The following GRK6 variants were observed in gnomAD, a reference collection of about 807,000 sequenced individuals.
The protein encoded by GRK6 is G protein-coupled receptor kinase 6.
GRK6 carries 37 observed loss-of-function variants against 80.8 expected under a neutral mutation model. That is an observed-to-expected ratio of 0.46 (90% CI 0.35 to 0.60). GRK6 has a LOEUF of 0.60. Among genes scored for constraint, GRK6 ranks in the 20% least tolerant of loss-of-function variants. The pLI is 0.00. For synonymous variants in GRK6, 295 were observed against 320.9 expected (o/e 0.92, Z 0.86); for missense variants, 560 against 784.6 (o/e 0.71, Z 3.42).
intron 13 of GRK6, among the ~76,000 whole-genome samples, chr5:177,440,396 G>C (rs1340305508): frequency 6.6e-6 from 1 of 152,252 alleles, no homozygotes; most frequent in African/African-American, 2.4e-5. Flanking sequence ...TGTACTCCCC[G>C]CCCCAACTGC....
At chr5:177,440,582 CAG>C in intron 13 of GRK6, 116 bp from the exon 14 acceptor site, 1 of 1,259,454 alleles carries the variant, frequency 7.9e-7, no homozygotes, top group Non-Finnish European at 1.1e-6. Flanking sequence ...TTCTCCAAAT[CAG>C]AGAGCTGCTG....
intron 2 of GRK6, 145 bp from the exon 3 acceptor site, chr5:177,431,850 G>T: frequency 1.4e-6 from 1 of 729,228 alleles, no homozygotes; most frequent in Admixed American, 2.1e-5. Flanking sequence ...CCTGAGGGTT[G>T]TGGTGAGGGT....
rs1561655395 is a variant in GRK6, at chr5:177,433,683, A to C, written c.738+7A>C. The C allele has an allele frequency of 1.2e-6, 2 of 1,613,738 alleles. No homozygotes were observed. The highest frequency in any genetic ancestry group is 1.7e-6 in the Non-Finnish European group (2 of 1,179,806). The stretch of plus-strand genomic sequence containing the variant: ...AGTGAACAGTAGGTTTGTAGTAAGT[A>C]CAGAAGGAGACTCTCCCTTCCCCTT... On this transcript the variant is annotated splice_region_variant and intron_variant, in intron 8 of 15. Transcript: ENST00000355472.
At chr5:177,426,311 G>C (rs1763660593), upstream of GRK6, among the ~76,000 whole-genome samples, 1 of 152,250 alleles carries the variant, frequency 6.6e-6, no homozygotes. Context: ...TGCAGTACTT[G>C]AGATGACGGA....
At chr5:177,441,370 G>A in intron 15 of GRK6, 1 of 1,232,512 alleles carries the variant, frequency 8.1e-7, no homozygotes, top group Non-Finnish European at 1.1e-6. Context: ...CACTCCCCCT[G>A]CCCACTGCTT....
chr5:177,431,406 T>G (rs998432598), intron 2 of GRK6, among the ~76,000 whole-genome samples: 2 of 152,138 alleles, frequency 1.3e-5, no homozygotes, highest in East Asian at 3.9e-4. Flanking sequence ...CTGGGCAGTG[T>G]GACAGGGTTA....
At chr5:177,433,461 G>A (rs770848966) in intron 7 of GRK6, 51 bp downstream of exon 7, 1 of 1,611,092 alleles carries the variant, frequency 6.2e-7, no homozygotes, top group Non-Finnish European at 8.5e-7. Context: ...TGGGTGTGTT[G>A]GGACCTGGAC....
rs1356703356 is a variant in GRK6 at position 177,428,659 on chromosome 5, C to T, written c.52+1762C>T. Among the ~76,000 whole-genome samples the T allele has an allele frequency of 1.3e-5, 2 of 152,218 alleles. No individual in the cohort carries two copies. Among genetic ancestry groups the T allele is most frequent in the African/African-American group, 2.4e-5 (1 of 41,462 alleles). On this transcript the variant is annotated intron_variant, in intron 1 of 15. Coordinates refer to ENST00000355472, the MANE Select transcript of GRK6 (RefSeq NM_001004106.3). The surrounding 1 kb of genome is among the most constrained non-coding windows in gnomAD (Gnocchi z 4.1). ...CTTGAACTCCTGACCTCAAGTGATC[C>T]GCCTGCCTCTGGCCTCCCTAATTGC... is the stretch of plus-strand genomic sequence containing the variant.
chr5:177,436,628 A>G (rs1764172816), intron 13 of GRK6, 98 bp downstream of exon 13: 2 of 1,150,270 alleles, frequency 1.7e-6, no homozygotes, highest in Non-Finnish European at 2.5e-6. Context: ...TGCAAGTGGC[A>G]GAAAAAACAA....
rs1043233701 is a variant in GRK6, at chr5:177,431,173, G to T, written c.148+206G>T. 5.9e-5 allele frequency among the ~76,000 whole-genome samples: 9 copies of T among 152,226 alleles called. 1 individual carries two copies. Among genetic ancestry groups the T allele is most frequent in the Non-Finnish European group, 1.3e-4 (9 of 68,040 alleles). ...AGACAGCAAACAGGGTCACACCGAG[G>T]GTGGTTGAAGCGGGTGTCGGGAATA... On this transcript the variant is annotated intron_variant, in intron 2 of 15. Coordinates refer to ENST00000355472, the MANE Select transcript of GRK6 (RefSeq NM_001004106.3).
intron 13 of GRK6, among the ~76,000 whole-genome samples, chr5:177,438,003 T>A: frequency 6.6e-6 from 1 of 152,192 alleles, no homozygotes; most frequent in Non-Finnish European, 1.5e-5. Flanking sequence ...CCTTACATTC[T>A]AGTGGGAGAC....
At chr5:177,426,087 C>G (rs1384995802), upstream of GRK6, among the ~76,000 whole-genome samples, 1 of 152,210 alleles carries the variant, frequency 6.6e-6, no homozygotes. Context: ...GGCTGCGAGG[C>G]CGCAGCCTCC....
rs1764180452 is a variant in GRK6 at position 177,436,819 on chromosome 5, T to C, written c.1404+289T>C. ...CTTCATATTGGGGTAGCTCTCCCCA[T>C]GGTGCGGCAGCAGTGGGCCCCAGCA... is the stretch of plus-strand genomic sequence containing the variant. On this transcript the variant is annotated intron_variant, in intron 13 of 15. Transcript: ENST00000355472. 5 of 436,282 alleles carry C rather than the reference T, an allele frequency of 1.1e-5. No homozygotes were observed. In the South Asian group the frequency reaches 3.1e-4, roughly 27 times the overall value. The allele number at this position is 436,282 out of a possible 1,614,324, so 27.0% of individuals were successfully genotyped here. A position where few individuals can be genotyped will look rare whatever the true frequency, so the allele number is the denominator to read the frequency against.
chr5:177,437,188 C>T (rs1009175551), intron 13 of GRK6, among the ~76,000 whole-genome samples: 1 of 152,282 alleles, frequency 6.6e-6, no homozygotes, highest in African/African-American at 2.4e-5. Context: ...ATCCTGACCT[C>T]AGGTGATCCT....
Position 177,436,573 on chromosome 5 carries a change from G to T in GRK6, c.1404+43G>T, listed in dbSNP as rs758405106. 3 of 1,520,390 alleles carry T rather than the reference G, an allele frequency of 2.0e-6. No homozygotes were observed. Among genetic ancestry groups the T allele is most frequent in the Non-Finnish European group, 2.6e-6 (3 of 1,134,246 alleles). The allele number at this position is 1,520,390 out of a possible 1,614,324, so 94.2% of individuals were successfully genotyped here. A position where few individuals can be genotyped will look rare whatever the true frequency, so the allele number is the denominator to read the frequency against. On this transcript the variant is annotated intron_variant, in intron 13 of 15. Coordinates refer to ENST00000355472, the MANE Select transcript of GRK6 (RefSeq NM_001004106.3). ...CTGCTGAGGGCGGGGCCCAGCCAGGGCTGGGGCTCAGGGGCTCTTGTAGTA... is the reference window on the plus strand; with the variant it reads ...CTGCTGAGGGCGGGGCCCAGCCAGGTCTGGGGCTCAGGGGCTCTTGTAGTA...
Position 177,441,890 on chromosome 5 carries a change from G to T in GRK6, c.*100G>T. 9.0e-7 allele frequency: 1 copy of T among 1,107,400 alleles called. No individual in the cohort carries two copies. The highest frequency in any genetic ancestry group is 1.4e-6 in the Non-Finnish European group (1 of 738,544). 68.6% of individuals were successfully genotyped at this position (1,107,400 alleles called of 1,614,324 possible). A position where few individuals can be genotyped will look rare whatever the true frequency, so the allele number is the denominator to read the frequency against. ...ATCTTCCCCATTGTCCACTCAAGTCGTGGCCTGGGGAACACAGACGGAGCT... is the reference window on the plus strand; with the variant it reads ...ATCTTCCCCATTGTCCACTCAAGTCTTGGCCTGGGGAACACAGACGGAGCT... On this transcript the variant is annotated 3_prime_UTR_variant, in exon 16 of 16. Coordinates refer to ENST00000355472, the MANE Select transcript of GRK6 (RefSeq NM_001004106.3).
chr5:177,426,087 C>T (rs1384995802), upstream of GRK6, among the ~76,000 whole-genome samples: 4 of 152,210 alleles, frequency 2.6e-5, no homozygotes, highest in African/African-American at 4.8e-5. Flanking sequence ...GGCTGCGAGG[C>T]CGCAGCCTCC....
intron 2 of GRK6, among the ~76,000 whole-genome samples, chr5:177,431,319 A>T (rs1316741610): frequency 6.6e-6 from 1 of 151,926 alleles, no homozygotes; most frequent in Non-Finnish European, 1.5e-5. Flanking sequence ...CTGCCTTGGG[A>T]CCCCCAGGCT....
chr5:177,438,325 G>A (rs1162953304), intron 13 of GRK6, among the ~76,000 whole-genome samples: 8 of 151,882 alleles, frequency 5.3e-5, no homozygotes, highest in Non-Finnish European at 1.2e-4. Context: ...TTGAGATCGC[G>A]CATTGCACTC....
Sources: allele counts gnomAD v4.1 joint callset (sites outside exome capture counted in the v4.1 genomes callset), GRCh38; gene constraint gnomAD v4.1.1; non-coding constraint Gnocchi (gnomAD v3.1); transcripts MANE v1.5; gene names NCBI Gene and HGNC (gene_info 2026-07-23, HGNC 2026-07-21).